The following ATXN10 variants were observed in gnomAD, a reference collection of about 807,000 sequenced individuals.
ATXN10 encodes the protein ataxin 10.
ATXN10 carries 28 observed loss-of-function variants against 52.9 expected under a neutral mutation model. That is an observed-to-expected ratio of 0.53 (90% CI 0.39 to 0.73). The LOEUF is 0.73. Ranked by LOEUF, ATXN10 falls within the 30% of genes least tolerant of loss-of-function variation. The pLI, the probability that ATXN10 is intolerant of heterozygous loss-of-function variation, is 0.00. For synonymous variants in ATXN10, 226 were observed against 221.5 expected (o/e 1.02, Z -0.18); for missense variants, 565 against 577.0 (o/e 0.98, Z 0.21).
chr22:45,797,339 T>C lies in ATXN10; in HGVS notation c.1174-9620T>C, dbSNP rs146932569. On this transcript the variant is annotated intron_variant, in intron 9 of 11. Transcript: ENST00000252934. ...GGGCCATAACAGTGCTCAATAAATG[T>C]AGAAGAACTGAAAACATAGACTATA... is the stretch of plus-strand genomic sequence containing the variant. Among the ~76,000 whole-genome samples the C allele has an allele frequency of 5.9e-5, 9 of 152,358 alleles. 1 individual carries two copies. In the East Asian group the frequency reaches 1.7e-3, roughly 29 times the overall value.
chr22:45,845,071 A>G lies in ATXN10; in HGVS notation c.*1400A>G, dbSNP rs1297219497. The G allele has an allele frequency of 6.6e-6, 1 of 152,246 alleles. No homozygotes were observed. Among genetic ancestry groups the G allele is most frequent in the East Asian group, 1.9e-4 (1 of 5,200 alleles). The allele number at this position is 152,246 out of a possible 1,614,324, so 9.4% of individuals were successfully genotyped here. ...GCCATTGCAGAATTTAAAATTACAC[A>G]AAGGAGTCATTCTCTCCTGGGACAT... is the stretch of plus-strand genomic sequence containing the variant. On this transcript the variant is annotated 3_prime_UTR_variant, in exon 12 of 12. Coordinates refer to ENST00000252934, the MANE Select transcript of ATXN10 (RefSeq NM_013236.4). The surrounding 1 kb of genome is among the most constrained non-coding windows in gnomAD (Gnocchi z 4.7).
chr22:45,766,708 G>A lies in ATXN10; in HGVS notation c.1173+26170G>A, dbSNP rs1926594363. ...TTTTTAAAAAGTTGGATGACAAGAA[G>A]CAAATAAGCACATAAAATGATAAAG... On this transcript the variant is annotated intron_variant, in intron 9 of 11. Transcript: ENST00000252934. This position sits in a 1 kb window ranked among gnomAD's most constrained non-coding sequence, Gnocchi z 4.6. 6.6e-6 allele frequency among the ~76,000 whole-genome samples: 1 copy of A among 151,952 alleles called. No homozygotes were observed. The highest frequency in any genetic ancestry group is 6.6e-5 in the Admixed American group (1 of 15,254).
rs1925465997 is a variant in ATXN10 at position 45,740,441 on chromosome 22, CAGA to C, written c.1079_1081del (p.Glu360del). On this transcript the variant is annotated inframe_deletion, in exon 9 of 12. Coordinates refer to ENST00000252934, the MANE Select transcript of ATXN10 (RefSeq NM_013236.4). ...TTCAGTAATTGTGGTTGCGTGAGAGCAGAAGGTGACATCTCCAATGTGGCCAAT... is the reference window on the plus strand; with the variant it reads ...TTCAGTAATTGTGGTTGCGTGAGAGCAGGTGACATCTCCAATGTGGCCAAT... The C allele has an allele frequency of 6.2e-7, 1 of 1,613,832 alleles. No individual in the cohort carries two copies.
intron 9 of ATXN10, among the ~76,000 whole-genome samples, chr22:45,803,493 G>T (rs948893138): frequency 2.0e-5 from 3 of 152,252 alleles, no homozygotes; most frequent in East Asian, 3.9e-4. Flanking sequence ...AACTATGAGC[G>T]TGAAAACCAA....
Position 45,701,145 on chromosome 22 carries a change from A to G in ATXN10, c.488+767A>G, listed in dbSNP as rs1277629420. Among the ~76,000 whole-genome samples the G allele has an allele frequency of 6.6e-6, 1 of 152,230 alleles. No homozygotes were observed. The highest frequency in any genetic ancestry group is 1.5e-5 in the Non-Finnish European group (1 of 68,034). ...GGGTGACTTTGATGGTTGCAACAGT[A>G]TAAGCAGCACAGCAGGGTAGCAGCT... is the stretch of plus-strand genomic sequence containing the variant. On this transcript the variant is annotated intron_variant, in intron 4 of 11. Coordinates refer to ENST00000252934, the MANE Select transcript of ATXN10 (RefSeq NM_013236.4). This position sits in a 1 kb window ranked among gnomAD's most constrained non-coding sequence, Gnocchi z 4.2.
intron 3 of ATXN10, among the ~76,000 whole-genome samples, chr22:45,693,429 C>T (rs986232490): frequency 9.2e-5 from 14 of 152,124 alleles, no homozygotes; most frequent in Non-Finnish European, 1.9e-4. Context: ...GGGGGCTGCT[C>T]TCGTCTTCAT....
rs1357599984 is a variant in ATXN10 at position 45,818,661 on chromosome 22, G to A, written c.1237+11639G>A. Among the ~76,000 whole-genome samples the A allele has an allele frequency of 1.3e-5, 2 of 152,034 alleles. No homozygotes were observed. Among genetic ancestry groups the A allele is most frequent in the Non-Finnish European group, 1.5e-5 (1 of 68,020 alleles). On this transcript the variant is annotated intron_variant, in intron 10 of 11. Transcript: ENST00000252934. This position sits in a 1 kb window ranked among gnomAD's most constrained non-coding sequence, Gnocchi z 4.6. ...GGGATCAGGGGGCAGGGATCATCACGCAGGAAGCTGTGTGAAAGAGGTGTG... is the reference window on the plus strand; with the variant it reads ...GGGATCAGGGGGCAGGGATCATCACACAGGAAGCTGTGTGAAAGAGGTGTG...
At chr22:45,771,028 C>T (rs147459109) in intron 9 of ATXN10, among the ~76,000 whole-genome samples, 1 of 152,204 alleles carries the variant, frequency 6.6e-6, no homozygotes, top group Non-Finnish European at 1.5e-5. Context: ...GGTACAGCCA[C>T]TACACCCTGG....
At chr22:45,752,696 G>A (rs184496129) in intron 9 of ATXN10, among the ~76,000 whole-genome samples, 73 of 152,108 alleles carry the variant, frequency 4.8e-4, no homozygotes, top group African/African-American at 1.7e-3. Context: ...CCTTATTGTA[G>A]CTCTCATTTC....
rs757688241 is a variant in ATXN10, at chr22:45,700,324, G to A, written c.434G>A (p.Arg145Gln). The change falls in exon 4 of 12, where the codon CGG becomes CAG. Residue 145 changes from arginine to glutamine, a missense_variant. Coordinates refer to ENST00000252934, the MANE Select transcript of ATXN10 (RefSeq NM_013236.4). ...CAGTTTTTAGGCAACATTGCCTCAC[G>A]GAATGAAGATTCCCAGTCTATTGTT... is the stretch of plus-strand genomic sequence containing the variant. ...GLQFLGNIASRNEDSQSIVWV... is the reference protein window; with the variant it reads ...GLQFLGNIASQNEDSQSIVWV... 1.1e-5 allele frequency: 17 copies of A among 1,613,832 alleles called. No homozygotes were observed. Among genetic ancestry groups the A allele is most frequent in the African/African-American group, 5.3e-5 (4 of 74,874 alleles).
chr22:45,824,090 C>G lies in ATXN10; in HGVS notation c.1237+17068C>G, dbSNP rs1332265565. ...CAGTAAGTTCTGGAGCAGGGACTTA[C>G]CTTCCTACCTTCCTTTGCCTTCCCC... On this transcript the variant is annotated intron_variant, in intron 10 of 11. Transcript: ENST00000252934. This position sits in a 1 kb window ranked among gnomAD's most constrained non-coding sequence, Gnocchi z 5.2. Among the ~76,000 whole-genome samples, 1 of 152,156 alleles carries G rather than the reference C, an allele frequency of 6.6e-6. No homozygotes were observed. The highest frequency in any genetic ancestry group is 1.5e-5 in the Non-Finnish European group (1 of 68,032).
Position 45,684,672 on chromosome 22 carries a change from C to T in ATXN10, c.117-5040C>T, listed in dbSNP as rs1009598189. Among the ~76,000 whole-genome samples, 6 of 152,148 alleles carry T rather than the reference C, an allele frequency of 3.9e-5. No individual in the cohort carries two copies. In the East Asian group the frequency reaches 1.2e-3, roughly 29 times the overall value. ...GCCATCAGAGCTGGAAATATTCACT[C>T]TCTGACCCTTTACAGAAAAAGTTTG... is the stretch of plus-strand genomic sequence containing the variant. On this transcript the variant is annotated intron_variant, in intron 1 of 11. Coordinates refer to ENST00000252934, the MANE Select transcript of ATXN10 (RefSeq NM_013236.4). This position sits in a 1 kb window ranked among gnomAD's most constrained non-coding sequence, Gnocchi z 4.1.
intron 9 of ATXN10, among the ~76,000 whole-genome samples, chr22:45,755,242 G>A (rs1038568799): frequency 2.0e-5 from 3 of 152,214 alleles, no homozygotes; most frequent in East Asian, 1.9e-4. Context: ...CTATCCTTCC[G>A]ATATTTTCAT....
At position 45,820,002 on chromosome 22, in the gene ATXN10, T is replaced by G. The variant is rs1032645572; in HGVS notation, c.1237+12980T>G. On this transcript the variant is annotated intron_variant, in intron 10 of 11. Transcript: ENST00000252934. This position sits in a 1 kb window ranked among gnomAD's most constrained non-coding sequence, Gnocchi z 4.9. ...CATTTAGCAGTGACCAAGGGCCTGG[T>G]CAAAACGTGAGTGTGTCACAGCCAT... 3.9e-5 allele frequency among the ~76,000 whole-genome samples: 6 copies of G among 152,300 alleles called. No individual in the cohort carries two copies. Among genetic ancestry groups the G allele is most frequent in the Middle Eastern group, 3.4e-3 (1 of 294 alleles).
rs1601603231 is a variant in ATXN10, at chr22:45,715,600, C to T, written c.648-2813C>T. On this transcript the variant is annotated intron_variant, in intron 5 of 11. Transcript: ENST00000252934. This position sits in a 1 kb window ranked among gnomAD's most constrained non-coding sequence, Gnocchi z 4.4. ...TTATCTGTGCCCCAAGACAATTCTT[C>T]TTCCAGTGTGGCCCAGGGAAGCCAA... Among the ~76,000 whole-genome samples the T allele has an allele frequency of 6.6e-6, 1 of 152,280 alleles. No individual in the cohort carries two copies. Among genetic ancestry groups the T allele is most frequent in the South Asian group, 2.1e-4 (1 of 4,804 alleles).
Position 45,681,194 on chromosome 22 carries a change from T to C in ATXN10, c.117-8518T>C, listed in dbSNP as rs1922907742. Among the ~76,000 whole-genome samples, 1 of 152,210 alleles carries C rather than the reference T, an allele frequency of 6.6e-6. No individual in the cohort carries two copies. The highest frequency in any genetic ancestry group is 2.4e-5 in the African/African-American group (1 of 41,452). Reference sequence around the variant, plus strand: ...TTCTTCTCCTGTCTTAAATCTTCGTTATTTCATTGTTTATATAGATTTTCC... The same window carrying C: ...TTCTTCTCCTGTCTTAAATCTTCGTCATTTCATTGTTTATATAGATTTTCC... On this transcript the variant is annotated intron_variant, in intron 1 of 11. Transcript: ENST00000252934. This position sits in a 1 kb window ranked among gnomAD's most constrained non-coding sequence, Gnocchi z 4.2.
Position 45,696,185 on chromosome 22 carries a change from C to G in ATXN10, c.391+3107C>G, listed in dbSNP as rs1271307311. On this transcript the variant is annotated intron_variant, in intron 3 of 11. Coordinates refer to ENST00000252934, the MANE Select transcript of ATXN10 (RefSeq NM_013236.4). This position sits in a 1 kb window ranked among gnomAD's most constrained non-coding sequence, Gnocchi z 4.7. Reference sequence around the variant, plus strand: ...TATATTTAAAGATACTTCTGTAGCTCTATTTTATAATAAAAGGGAAGCATC... The same window carrying G: ...TATATTTAAAGATACTTCTGTAGCTGTATTTTATAATAAAAGGGAAGCATC... 6.6e-6 allele frequency among the ~76,000 whole-genome samples: 1 copy of G among 152,034 alleles called. No homozygotes were observed. The highest frequency in any genetic ancestry group is 1.5e-5 in the Non-Finnish European group (1 of 68,024).
intron 9 of ATXN10, chr22:45,792,453 ACCACTTTTTCT>A (rs1361763147): frequency 6.5e-6 from 1 of 153,000 alleles, no homozygotes; most frequent in East Asian, 1.9e-4. Context: ...CCCCTTGGTA[ACCACTTTTTCT>A]CCACCGTTCT....
At chr22:45,709,738 T>C (rs1469905611) in intron 5 of ATXN10, among the ~76,000 whole-genome samples, 1 of 152,248 alleles carries the variant, frequency 6.6e-6, no homozygotes, top group African/African-American at 2.4e-5. Context: ...GGTTTACATA[T>C]ACAGCTTCCT....
Sources: allele counts gnomAD v4.1 joint callset (sites outside exome capture counted in the v4.1 genomes callset), GRCh38; gene constraint gnomAD v4.1.1; non-coding constraint Gnocchi (gnomAD v3.1); transcripts MANE v1.5; gene names NCBI Gene and HGNC (gene_info 2026-07-23, HGNC 2026-07-21).